CSMD1: variants seen among roughly 807,000 people sequenced by gnomAD.
The protein encoded by CSMD1 is CUB and sushi domain-containing protein 1.
A neutral mutation model predicts 417.5 loss-of-function variants in CSMD1; 213 were observed. The ratio of observed to expected loss-of-function variants is 0.51; its 90% CI spans 0.46 to 0.57. CSMD1 has a LOEUF of 0.57. CSMD1 is among the 20% of genes least tolerant of loss of function. The pLI, the probability that CSMD1 is intolerant of heterozygous loss-of-function variation, is 0.00. For synonymous variants in CSMD1, 2,862 were observed against 1,736.8 expected, an observed-to-expected ratio of 1.65 and a Z score of -16.11; for missense variants, 6,923 against 4,529.7, an observed-to-expected ratio of 1.53 and a Z score of -15.17.
intron 1 of CSMD1, among the ~76,000 whole-genome samples, chr8:4,769,325 C>T (rs1256323553): frequency 1.3e-5 from 2 of 152,090 alleles, no homozygotes; most frequent in Admixed American, 6.5e-5. Flanking sequence ...TAAGCTACTA[C>T]AATTACCGTT....
chr8:3,179,177 C>A (rs1335248499), intron 37 of CSMD1, among the ~76,000 whole-genome samples: 2 of 151,710 alleles, frequency 1.3e-5, no homozygotes, highest in African/African-American at 4.9e-5. Flanking sequence ...GATCTCCTGA[C>A]CTCGTGATCT....
At chr8:3,456,083 C>A (rs61657999) in intron 12 of CSMD1, among the ~76,000 whole-genome samples, 9 of 152,254 alleles carry the variant, frequency 5.9e-5, no homozygotes, top group South Asian at 2.1e-4. Flanking sequence ...AATGAGCAAG[C>A]CTTCATGGGC....
intron 3 of CSMD1, among the ~76,000 whole-genome samples, chr8:4,035,875 C>G (rs1797589468): frequency 6.6e-6 from 1 of 152,114 alleles, no homozygotes; most frequent in South Asian, 2.1e-4. Context: ...TAGTCCCGTC[C>G]GAAGCCTTCA....
chr8:4,421,922 G>A (rs890538444), intron 2 of CSMD1, among the ~76,000 whole-genome samples: 19 of 151,914 alleles, frequency 1.3e-4, no homozygotes, highest in Non-Finnish European at 2.5e-4. Flanking sequence ...TAAATAATTG[G>A]GAGTTTCAGA....
At chr8:4,776,541 T>C (rs1796860865) in intron 1 of CSMD1, among the ~76,000 whole-genome samples, 1 of 152,188 alleles carries the variant, frequency 6.6e-6, no homozygotes, top group African/African-American at 2.4e-5. Flanking sequence ...ACCATATTTC[T>C]GTGAAATTCC....
chr8:2,994,895 C>G (rs1409422074), intron 54 of CSMD1, among the ~76,000 whole-genome samples: 3 of 152,096 alleles, frequency 2.0e-5, no homozygotes, highest in African/African-American at 4.8e-5. Context: ...CTATTTAAAT[C>G]TCAGACTTTA....
At chr8:4,069,637 C>A (rs892480461) in intron 3 of CSMD1, among the ~76,000 whole-genome samples, 1 of 152,178 alleles carries the variant, frequency 6.6e-6, no homozygotes, top group Non-Finnish European at 1.5e-5. Context: ...CCTCAAGCCT[C>A]TGCAGCTTCC....
At chr8:4,858,529 C>T (rs1041552939) in intron 1 of CSMD1, among the ~76,000 whole-genome samples, 2 of 151,972 alleles carry the variant, frequency 1.3e-5, no homozygotes, top group African/African-American at 2.4e-5. Context: ...ATGTCTCAGC[C>T]CAAAATCTCC....
At chr8:3,166,066 A>G (rs1026339802) in intron 37 of CSMD1, among the ~76,000 whole-genome samples, 4 of 152,138 alleles carry the variant, frequency 2.6e-5, no homozygotes, top group Non-Finnish European at 4.4e-5. Flanking sequence ...AACAAATATG[A>G]TATGATAGGA....
chr8:3,445,912 C>T (rs557403769), intron 12 of CSMD1, among the ~76,000 whole-genome samples: 6 of 152,248 alleles, frequency 3.9e-5, no homozygotes, highest in African/African-American at 1.4e-4. Context: ...ATCATCTTGA[C>T]TCCAAAGAAG....
chr8:4,328,341 T>G (rs1799675938), intron 3 of CSMD1, among the ~76,000 whole-genome samples: 1 of 151,740 alleles, frequency 6.6e-6, no homozygotes, highest in Non-Finnish European at 1.5e-5. Context: ...GTCTGAGACT[T>G]CTCTCTTTCT....
intron 1 of CSMD1, among the ~76,000 whole-genome samples, chr8:4,990,021 G>A (rs1157500416): frequency 1.3e-5 from 2 of 152,168 alleles, no homozygotes; most frequent in African/African-American, 4.8e-5. Context: ...CCAGCTGAAA[G>A]CCAATATAAA....
At chr8:4,027,318 T>C (rs1585159393) in intron 4 of CSMD1, among the ~76,000 whole-genome samples, 2 of 152,250 alleles carry the variant, frequency 1.3e-5, no homozygotes, top group Middle Eastern at 6.8e-3. Flanking sequence ...AGTAGGATGA[T>C]GGTATGCTTT....
intron 16 of CSMD1, among the ~76,000 whole-genome samples, chr8:3,398,981 G>A (rs1015051703): frequency 3.3e-5 from 5 of 152,106 alleles, no homozygotes; most frequent in Admixed American, 2.6e-4. Flanking sequence ...AGCTGCCCTC[G>A]AGTGACCAGC....
intron 3 of CSMD1, among the ~76,000 whole-genome samples, chr8:4,370,025 T>G (rs1230574460): frequency 6.6e-6 from 1 of 152,198 alleles, no homozygotes; most frequent in Admixed American, 6.5e-5. Flanking sequence ...CTTAGTTGTA[T>G]AGTTGATTTA....
chr8:4,211,739 G>C (rs764467956), intron 3 of CSMD1, among the ~76,000 whole-genome samples: 3 of 152,154 alleles, frequency 2.0e-5, no homozygotes, highest in East Asian at 3.9e-4. Flanking sequence ...AGTTGACAAA[G>C]AGCCCTGCAA....
At chr8:3,207,493 T>A (rs1389299107) in intron 30 of CSMD1, among the ~76,000 whole-genome samples, 1 of 152,056 alleles carries the variant, frequency 6.6e-6, no homozygotes, top group Admixed American at 6.6e-5. Context: ...AGATAACATG[T>A]TTAATTCTTT....
At chr8:4,679,145 A>G (rs1805878365) in intron 1 of CSMD1, among the ~76,000 whole-genome samples, 1 of 152,106 alleles carries the variant, frequency 6.6e-6, no homozygotes, top group African/African-American at 2.4e-5. Flanking sequence ...CCTTCTTGAT[A>G]TGGCCAAGAT....
At chr8:3,490,014 C>G (rs916318647) in intron 11 of CSMD1, among the ~76,000 whole-genome samples, 1 of 152,182 alleles carries the variant, frequency 6.6e-6, no homozygotes, top group Non-Finnish European at 1.5e-5. Flanking sequence ...ATGATAGACT[C>G]CATGCTGGGA....
Sources: gnomAD v4.1 joint callset for allele counts (sites outside exome capture counted in the v4.1 genomes callset) on GRCh38, gnomAD v4.1.1 for gene constraint, MANE v1.5 for transcripts, NCBI Gene and HGNC (gene_info 2026-07-23, HGNC 2026-07-21) for gene names.